The following SEC14L1 variants were observed in gnomAD, a reference collection of about 807,000 sequenced individuals.
SEC14L1 encodes the protein SEC14 like lipid binding 1.
Under a neutral mutation model 85.3 loss-of-function variants are expected in SEC14L1, and 48 were observed. The observed-to-expected ratio is 0.56, with a 90% CI of 0.45 to 0.72. SEC14L1 has a LOEUF of 0.72. Ranked by LOEUF, SEC14L1 falls within the 30% of genes least tolerant of loss-of-function variation. The probability of loss-of-function intolerance (pLI) is 0.00; values close to 1 mark genes in which losing one functional copy is unlikely to be tolerated. For synonymous variants in SEC14L1, 391 were observed against 355.5 expected (o/e 1.10, Z -1.12); for missense variants, 682 against 921.4 (o/e 0.74, Z 3.36).
chr17:77,097,846 T>C (rs1351715442), intron 3 of SEC14L1, among the ~76,000 whole-genome samples: 1 of 152,136 alleles, frequency 6.6e-6, no homozygotes, highest in Non-Finnish European at 1.5e-5. Context: ...GTCATTAGAA[T>C]ATGCAGAATA....
chr17:77,151,591 GT>G (rs34284523), intron 3 of SEC14L1, among the ~76,000 whole-genome samples: 150,517 of 152,278 alleles, frequency 0.99, 74,408 homozygotes, highest in East Asian at 1. Context: ...GATTTACCTG[GT>G]TTTTATAAAA....
chr17:77,197,199 G>C (rs1975856985), intron 8 of SEC14L1, among the ~76,000 whole-genome samples: 2 of 152,242 alleles, frequency 1.3e-5, no homozygotes, highest in South Asian at 4.1e-4. Context: ...TTTCGCAGGA[G>C]TTGGGGTCAT....
At chr17:77,196,399 T>G (rs1975808659) in intron 8 of SEC14L1, 88 bp downstream of exon 8, 1 of 742,188 alleles carries the variant, frequency 1.3e-6, no homozygotes, top group African/African-American at 1.8e-5. Context: ...AAGAGTGATA[T>G]TCCCAACTTC....
chr17:77,144,234 T>C (rs561288919), intron 3 of SEC14L1, among the ~76,000 whole-genome samples: 8 of 152,230 alleles, frequency 5.3e-5, no homozygotes, highest in Non-Finnish European at 1.0e-4. Context: ...TTCCTTTCTC[T>C]TTTGTGTTAT....
At chr17:77,142,364 C>T (rs1427486756) in intron 1 of SEC14L1, among the ~76,000 whole-genome samples, 1 of 151,932 alleles carries the variant, frequency 6.6e-6, no homozygotes, top group Non-Finnish European at 1.5e-5. Flanking sequence ...CCCTTGAGCC[C>T]AGGAGTTTGA....
At chr17:77,156,063 G>T (rs1193023489) in intron 3 of SEC14L1, among the ~76,000 whole-genome samples, 5 of 152,008 alleles carry the variant, frequency 3.3e-5, no homozygotes, top group Non-Finnish European at 5.9e-5. Flanking sequence ...CATGATCTTG[G>T]TGCCTTGACC....
At chr17:77,089,563 G>GAAGTC in intron 2 of SEC14L1, 1 of 471,644 alleles carries the variant, frequency 2.1e-6, no homozygotes, top group South Asian at 1.5e-5. Flanking sequence ...CATAAACAAT[G>GAAGTC]TTACTGTCAT....
intron 3 of SEC14L1, among the ~76,000 whole-genome samples, chr17:77,097,066 A>G (rs987576497): frequency 1.1e-4 from 16 of 152,180 alleles, no homozygotes; most frequent in South Asian, 2.1e-4. Context: ...CTCCGTTCCA[A>G]TGTACTCCCA....
At chr17:77,106,540 A>G (rs1232783810) in intron 3 of SEC14L1, among the ~76,000 whole-genome samples, 12 of 150,642 alleles carry the variant, frequency 8.0e-5, no homozygotes, top group Admixed American at 7.9e-4. Flanking sequence ...TCAAAAAGAT[A>G]AAACAACAAA....
intron 3 of SEC14L1, among the ~76,000 whole-genome samples, chr17:77,120,411 C>T (rs185805947): frequency 6.6e-6 from 1 of 152,008 alleles, no homozygotes; most frequent in East Asian, 1.9e-4. Context: ...TCTGCGTGTT[C>T]TACTCCCCAA....
chr17:77,139,890 T>C (rs1567887702), upstream of SEC14L1, among the ~76,000 whole-genome samples: 1 of 152,108 alleles, frequency 6.6e-6, no homozygotes, highest in Non-Finnish European at 1.5e-5. Context: ...TGGTTTGACG[T>C]GGAACACAAG....
At chr17:77,135,567 C>T (rs1454783014) in intron 3 of SEC14L1, among the ~76,000 whole-genome samples, 2 of 152,098 alleles carry the variant, frequency 1.3e-5, no homozygotes, top group Non-Finnish European at 2.9e-5. Context: ...CTCTGTCTCT[C>T]AGGCTATCTC....
chr17:77,208,298 A>G (rs958565495), intron 13 of SEC14L1, among the ~76,000 whole-genome samples: 5 of 152,238 alleles, frequency 3.3e-5, no homozygotes, highest in Admixed American at 1.3e-4. Context: ...GCAAGCGCCT[A>G]TGAGGTTAAA....
In SEC14L1 at chr17:77,151,044, A is replaced by G. The variant is rs1701408084; in HGVS notation, c.63+7385A>G. On this transcript the variant is annotated intron_variant, in intron 3 of 16. Coordinates refer to ENST00000436233, the MANE Select transcript of SEC14L1 (RefSeq NM_001143998.2). ...TTAGTTTCTGATGGTTAGGTGTGATATTGAAATACATCTTTTCATTCATCA... is the reference window on the plus strand; with the variant it reads ...TTAGTTTCTGATGGTTAGGTGTGATGTTGAAATACATCTTTTCATTCATCA... 3.9e-5 allele frequency among the ~76,000 whole-genome samples: 6 copies of G among 152,206 alleles called. No homozygotes were observed. The Middle Eastern group carries it at 0.014, about 345-fold the overall frequency.
intron 6 of SEC14L1, 59 bp downstream of exon 6, chr17:77,193,608 C>G: frequency 6.5e-7 from 1 of 1,543,848 alleles, no homozygotes; most frequent in Non-Finnish European, 8.8e-7. Context: ...AGATGACCAT[C>G]TTTTTGGAAG....
At chr17:77,148,814 CT>C (rs1303314359) in intron 3 of SEC14L1, among the ~76,000 whole-genome samples, 1 of 152,236 alleles carries the variant, frequency 6.6e-6, no homozygotes, top group African/African-American at 2.4e-5. Context: ...GTGTTGAAGG[CT>C]TTCCTGTTAT....
At chr17:77,169,728 T>C (rs1452107865) in intron 3 of SEC14L1, among the ~76,000 whole-genome samples, 1 of 152,130 alleles carries the variant, frequency 6.6e-6, no homozygotes, top group Non-Finnish European at 1.5e-5. Flanking sequence ...GAAGTGCATT[T>C]CAAAGGATCC....
intron 3 of SEC14L1, among the ~76,000 whole-genome samples, chr17:77,109,304 A>G (rs1299353380): frequency 2.0e-5 from 3 of 151,876 alleles, no homozygotes; most frequent in African/African-American, 7.3e-5. Flanking sequence ...ATATCTTGCT[A>G]TGTTGCCCAG....
At chr17:77,207,988 C>T (rs536587336) in intron 13 of SEC14L1, among the ~76,000 whole-genome samples, 2 of 152,254 alleles carry the variant, frequency 1.3e-5, no homozygotes, top group African/African-American at 4.8e-5. Context: ...TGTTCCATGG[C>T]ACACGGCGGT....
Sources: allele counts gnomAD v4.1 joint callset (sites outside exome capture counted in the v4.1 genomes callset), GRCh38; gene constraint gnomAD v4.1.1; transcripts MANE v1.5; gene names NCBI Gene and HGNC (gene_info 2026-07-23, HGNC 2026-07-21).